ARRB1: variants seen among roughly 807,000 people sequenced by gnomAD.
The protein encoded by ARRB1 is arrestin beta 1.
In ARRB1, 21 loss-of-function variants were observed where a neutral mutation model predicts 56.8. The ratio of observed to expected loss-of-function variants is 0.37; its 90% confidence interval spans 0.26 to 0.53. ARRB1 has a LOEUF of 0.53. ARRB1 is among the 20% of genes least tolerant of loss of function. The pLI is 0.88. For missense variants in ARRB1, 424 were observed against 553.7 expected, an observed-to-expected ratio of 0.77 and a Z score of 2.35; for synonymous variants, 210 against 218.6, an observed-to-expected ratio of 0.96 and a Z score of 0.35.
At chr11:75,321,273 C>G (rs1435781280) in intron 1 of ARRB1, among the ~76,000 whole-genome samples, 2 of 147,092 alleles carry the variant, frequency 1.4e-5, no homozygotes, top group African/African-American at 2.5e-5. Context: ...TCACCCCCCC[C>G]CACCACCATC....
At chr11:75,321,888 C>A (rs1947354050) in intron 1 of ARRB1, among the ~76,000 whole-genome samples, 3 of 152,234 alleles carry the variant, frequency 2.0e-5, no homozygotes, top group Non-Finnish European at 2.9e-5. Flanking sequence ...CTACATAAAG[C>A]TTCCCGTCTG....
intron 15 of ARRB1, 114 bp from the exon 16 acceptor site, chr11:75,266,388 A>G: frequency 1.2e-6 from 1 of 828,754 alleles, no homozygotes; most frequent in South Asian, 1.5e-5. Flanking sequence ...GGGGAGAACC[A>G]CCCTCTCTGA....
In ARRB1 at chr11:75,314,808, T is replaced by C. The variant is rs137993128; in HGVS notation, c.21-24769A>G. ...TTTTTGTAGCGATGGGGTTTCACCATGTTGCCCAGGCTGGTCTCAAACTCC... is the reference window on the plus strand; with the variant it reads ...TTTTTGTAGCGATGGGGTTTCACCACGTTGCCCAGGCTGGTCTCAAACTCC... On this transcript the variant is annotated intron_variant, in intron 1 of 15. Coordinates refer to ENST00000420843, the MANE Select transcript of ARRB1 (RefSeq NM_004041.5). 8.3e-3 allele frequency among the ~76,000 whole-genome samples: 1,265 copies of C among 151,816 alleles called. 22 individuals carry two copies. Among genetic ancestry groups the C allele is most frequent in the African/African-American group, 0.027 (1,101 of 41,496 alleles).
intron 2 of ARRB1, 69 bp downstream of exon 2, chr11:75,289,940 T>C (rs1203084557): frequency 3.7e-6 from 6 of 1,610,602 alleles, no homozygotes; most frequent in Non-Finnish European, 5.1e-6. Flanking sequence ...CCGTTTCCTC[T>C]GCTTCCCAAG....
intron 1 of ARRB1, among the ~76,000 whole-genome samples, chr11:75,323,341 G>A (rs887925076): frequency 1.3e-5 from 2 of 152,168 alleles, no homozygotes; most frequent in African/African-American, 2.4e-5. Context: ...TAGAGGGGCC[G>A]GGCGTGGTGG....
chr11:75,317,114 G>T (rs1190156117), intron 1 of ARRB1, among the ~76,000 whole-genome samples: 3 of 152,138 alleles, frequency 2.0e-5, no homozygotes, highest in Non-Finnish European at 2.9e-5. Context: ...TGAAGCTAAG[G>T]TTCCCAGAGG....
intron 1 of ARRB1, among the ~76,000 whole-genome samples, chr11:75,334,154 AC>A (rs1947564809): frequency 6.6e-6 from 1 of 152,036 alleles, no homozygotes; most frequent in Non-Finnish European, 1.5e-5. Flanking sequence ...ACATGGTGAA[AC>A]CTCATCTATA....
In ARRB1 at chr11:75,261,130, C is replaced by G. The variant is rs909894649; in HGVS notation, c.*5033G>C. The G allele has an allele frequency of 1.3e-5, 2 of 152,466 alleles. No homozygotes were observed. Among genetic ancestry groups the G allele is most frequent in the Non-Finnish European group, 2.9e-5 (2 of 68,448 alleles). 9.4% of individuals were successfully genotyped at this position (152,466 alleles called of 1,614,324 possible). On this transcript the variant is annotated 3_prime_UTR_variant, in exon 16 of 16. Coordinates refer to ENST00000420843, the MANE Select transcript of ARRB1 (RefSeq NM_004041.5). ...GCACCAGGTCCCTGTCCAAATCAAA[C>G]CTTGGCCAGAGCTTCAGGGTGGGTT...
chr11:75,338,505 G>A (rs1007431399), intron 1 of ARRB1, among the ~76,000 whole-genome samples: 5 of 152,178 alleles, frequency 3.3e-5, no homozygotes, highest in Non-Finnish European at 7.3e-5. Flanking sequence ...CACTCAAATG[G>A]AAGTTGAGGC....
At chr11:75,351,075 A>G (rs1464938212) in intron 1 of ARRB1, among the ~76,000 whole-genome samples, 1 of 152,070 alleles carries the variant, frequency 6.6e-6, no homozygotes, top group Non-Finnish European at 1.5e-5. Flanking sequence ...TGTGCGTATC[A>G]GTGTATGCCC....
chr11:75,329,738 A>G (rs568097618), intron 1 of ARRB1, among the ~76,000 whole-genome samples: 9 of 152,286 alleles, frequency 5.9e-5, no homozygotes, highest in African/African-American at 1.9e-4. Context: ...CATGCCTGTA[A>G]TCCCAGTGCT....
At chr11:75,267,539 C>G in intron 15 of ARRB1, 113 bp downstream of exon 15, 1 of 1,103,084 alleles carries the variant, frequency 9.1e-7, no homozygotes, top group Non-Finnish European at 1.3e-6. Flanking sequence ...TCTCAGCAGA[C>G]GGGGTTAGAC....
intron 1 of ARRB1, among the ~76,000 whole-genome samples, chr11:75,296,242 A>C (rs1565123618): frequency 6.6e-6 from 1 of 151,846 alleles, no homozygotes; most frequent in African/African-American, 2.4e-5. Flanking sequence ...TTTCAGGTGA[A>C]TGTGTGTGTA....
rs552979668 is a variant in ARRB1 at position 75,288,277 on chromosome 11, C to T, written c.52-902G>A. On this transcript the variant is annotated intron_variant, in intron 2 of 15. Transcript: ENST00000420843. Reference sequence around the variant, plus strand: ...ACATCCAGCTAATGAACAAATGCACCACCTCACACAGTTAGCAGTTCTGTG... The same window carrying T: ...ACATCCAGCTAATGAACAAATGCACTACCTCACACAGTTAGCAGTTCTGTG... 5.3e-5 allele frequency among the ~76,000 whole-genome samples: 8 copies of T among 152,286 alleles called. No homozygotes were observed. In the South Asian group the frequency reaches 8.3e-4, roughly 16 times the overall value.
rs1229361189 is a variant in ARRB1, at chr11:75,335,567, A to G, written c.20+16021T>C. On this transcript the variant is annotated intron_variant, in intron 1 of 15. Coordinates refer to ENST00000420843, the MANE Select transcript of ARRB1 (RefSeq NM_004041.5). ...ACTACTGCACTCCAGGCTGGGCAAC[A>G]GAGCCAGGCCCTGTCCCTGTCTCAA... Among the ~76,000 whole-genome samples the G allele has an allele frequency of 1.2e-4, 18 of 144,610 alleles. No homozygotes were observed. The Admixed American group carries it at 1.3e-3, about 10-fold the overall frequency. The allele number at this position is 144,610 out of a possible 152,430, so 94.9% of individuals were successfully genotyped here.
intron 1 of ARRB1, among the ~76,000 whole-genome samples, chr11:75,311,155 G>A (rs1947147145): frequency 6.6e-6 from 1 of 152,174 alleles, no homozygotes; most frequent in Non-Finnish European, 1.5e-5. Flanking sequence ...TGACCAACAT[G>A]GTGAAACCCC....
intron 1 of ARRB1, among the ~76,000 whole-genome samples, chr11:75,339,302 C>T (rs913508910): frequency 6.6e-6 from 1 of 152,228 alleles, no homozygotes; most frequent in African/African-American, 2.4e-5. Context: ...TTGCTGAGCC[C>T]AGTGTCTCCT....
rs1178633948 is a variant in ARRB1 at position 75,327,927 on chromosome 11, AC to A, written c.20+23660del. Among the ~76,000 whole-genome samples, 3 of 151,356 alleles carry A rather than the reference AC, an allele frequency of 2.0e-5. No homozygotes were observed. In the East Asian group the frequency reaches 5.8e-4, roughly 29 times the overall value. On this transcript the variant is annotated intron_variant, in intron 1 of 15. Transcript: ENST00000420843. ...ACAGCAGCCTGGGCAATGCAGCAAG[AC>A]CCTGTCTCTACAAATAAATAAATAA...
chr11:75,348,535 G>C (rs1947805304), intron 1 of ARRB1, among the ~76,000 whole-genome samples: 1 of 152,082 alleles, frequency 6.6e-6, no homozygotes, highest in Admixed American at 6.6e-5. Context: ...ATATATGATT[G>C]TTCCCAGAGC....
Sources: allele counts gnomAD v4.1 joint callset (sites outside exome capture counted in the v4.1 genomes callset), GRCh38; gene constraint gnomAD v4.1.1; transcripts MANE v1.5; gene names NCBI Gene and HGNC (gene_info 2026-07-23, HGNC 2026-07-21).